The following ADGRL3 variants were observed in gnomAD, a reference collection of about 807,000 sequenced individuals.
ADGRL3 encodes the protein adhesion G protein-coupled receptor L3.
A neutral mutation model predicts 153.5 loss-of-function variants in ADGRL3; 62 were observed. The observed-to-expected ratio is 0.40, with a 90% CI of 0.33 to 0.50. The LOEUF is 0.50. Ranked by LOEUF, ADGRL3 falls within the 20% of genes least tolerant of loss-of-function variation. ADGRL3 has a pLI of 0.47. For missense variants in ADGRL3, 1,641 were observed against 1,859.4 expected (o/e 0.88, Z 2.16); for synonymous variants, 710 against 672.5 (o/e 1.06, Z -0.86).
At chr4:61,557,981 C>G (rs1468675932) in intron 4 of ADGRL3, among the ~76,000 whole-genome samples, 1 of 151,314 alleles carries the variant, frequency 6.6e-6, no homozygotes, top group Non-Finnish European at 1.5e-5. Context: ...TTACAGCAAC[C>G]TTGATATCGG....
chr4:61,560,564 G>A (rs935375435), intron 4 of ADGRL3, among the ~76,000 whole-genome samples: 6 of 152,054 alleles, frequency 3.9e-5, no homozygotes, highest in Non-Finnish European at 8.8e-5. Context: ...TGCCTTTGGA[G>A]GTCATTAAGT....
intron 9 of ADGRL3, among the ~76,000 whole-genome samples, chr4:61,872,408 C>CTTTTT (rs10715924): frequency 7.5e-6 from 1 of 133,096 alleles, no homozygotes. Context: ...TCCTTCTTTC[C>CTTTTT]TTTTTTTTTT....
At chr4:61,558,613 T>TATCA (rs991932841) in intron 4 of ADGRL3, among the ~76,000 whole-genome samples, 3 of 152,074 alleles carry the variant, frequency 2.0e-5, no homozygotes, top group East Asian at 1.9e-4. Context: ...TCCATCTATC[T>TATCA]ATCAATCAAT....
intron 17 of ADGRL3, among the ~76,000 whole-genome samples, chr4:61,972,912 C>A (rs185161395): frequency 6.6e-6 from 1 of 151,922 alleles, no homozygotes; most frequent in East Asian, 1.9e-4. Flanking sequence ...AAAACAGGTT[C>A]TTGATAATTA....
chr4:61,902,233 C>A (rs934932119), intron 11 of ADGRL3, among the ~76,000 whole-genome samples: 1 of 152,078 alleles, frequency 6.6e-6, no homozygotes, highest in Non-Finnish European at 1.5e-5. Context: ...AATGGTACCA[C>A]CGTGGAGTTA....
chr4:61,854,204 C>T (rs2098238746), intron 9 of ADGRL3, among the ~76,000 whole-genome samples: 2 of 152,134 alleles, frequency 1.3e-5, no homozygotes, highest in African/African-American at 4.8e-5. Flanking sequence ...CAATACTTTC[C>T]TCCCTCGCAG....
At chr4:61,869,728 C>T (rs1330814348) in intron 9 of ADGRL3, among the ~76,000 whole-genome samples, 2 of 151,230 alleles carry the variant, frequency 1.3e-5, no homozygotes, top group South Asian at 2.1e-4. Context: ...CACCTGAGGT[C>T]GGGAGTTCGA....
intron 6 of ADGRL3, among the ~76,000 whole-genome samples, chr4:61,722,406 C>T (rs1198811047): frequency 6.6e-6 from 1 of 152,052 alleles, no homozygotes; most frequent in African/African-American, 2.4e-5. Context: ...AAAAACAAAA[C>T]ACCAACAAAA....
chr4:61,313,531 C>A (rs1475995079), intron 1 of ADGRL3, among the ~76,000 whole-genome samples: 1 of 152,060 alleles, frequency 6.6e-6, no homozygotes, highest in African/African-American at 2.4e-5. Flanking sequence ...GACAGTAAGT[C>A]CTCACTTAAT....
intron 19 of ADGRL3, among the ~76,000 whole-genome samples, chr4:61,990,996 ATTT>A (rs2099101872): frequency 1.4e-5 from 2 of 145,306 alleles, no homozygotes; most frequent in African/African-American, 5.1e-5. Flanking sequence ...GTGTGTACGT[ATTT>A]ATGAATCAGT....
intron 2 of ADGRL3, among the ~76,000 whole-genome samples, chr4:61,393,644 A>T (rs1322726595): frequency 2.0e-5 from 3 of 152,064 alleles, no homozygotes; most frequent in Non-Finnish European, 2.9e-5. Flanking sequence ...AAAAGTTTCA[A>T]GCTTATATAC....
chr4:61,869,958 AAAAGAGAG>A (rs2098429628), intron 9 of ADGRL3, among the ~76,000 whole-genome samples: 2 of 111,768 alleles, frequency 1.8e-5, no homozygotes, highest in African/African-American at 6.8e-5. Flanking sequence ...AAAAAAAAAA[AAAAGAGAG>A]AGAGAGAGAA....
chr4:61,722,089 G>A (rs540180477), intron 6 of ADGRL3, among the ~76,000 whole-genome samples: 47 of 152,136 alleles, frequency 3.1e-4, no homozygotes, highest in African/African-American at 1.1e-3. Context: ...TCAGATATTA[G>A]CCCCAAATCA....
chr4:61,964,115 G>A (rs1280678636), intron 17 of ADGRL3, among the ~76,000 whole-genome samples: 1 of 152,092 alleles, frequency 6.6e-6, no homozygotes, highest in African/African-American at 2.4e-5. Flanking sequence ...AAATCAGGAG[G>A]CTTAGGTTTC....
chr4:61,495,622 G>A (rs2098306843), intron 2 of ADGRL3, among the ~76,000 whole-genome samples: 1 of 152,056 alleles, frequency 6.6e-6, no homozygotes, highest in Non-Finnish European at 1.5e-5. Flanking sequence ...TTCAGGATTT[G>A]GATTATGTTT....
chr4:61,727,906 C>G (rs564033721), intron 6 of ADGRL3, among the ~76,000 whole-genome samples: 2 of 152,156 alleles, frequency 1.3e-5, no homozygotes, highest in East Asian at 3.9e-4. Flanking sequence ...GTATTTAATT[C>G]AAGAGCTATT....
At chr4:61,539,909 G>T (rs2098680305) in intron 4 of ADGRL3, among the ~76,000 whole-genome samples, 2 of 152,050 alleles carry the variant, frequency 1.3e-5, no homozygotes, top group East Asian at 3.9e-4. Flanking sequence ...CTTCCCATGG[G>T]CTGTCTGACA....
intron 5 of ADGRL3, among the ~76,000 whole-genome samples, chr4:61,625,918 A>G (rs1219746586): frequency 6.6e-6 from 1 of 152,094 alleles, no homozygotes; most frequent in South Asian, 2.1e-4. Context: ...GCTCTATTTT[A>G]TGTATTTCTG....
chr4:61,752,517 T>G (rs2096769737), intron 8 of ADGRL3, among the ~76,000 whole-genome samples: 1 of 152,240 alleles, frequency 6.6e-6, no homozygotes, highest in Non-Finnish European at 1.5e-5. Flanking sequence ...TCCTCAGAGA[T>G]AAGAATGCTC....
Sources: gnomAD v4.1 joint callset for allele counts (sites outside exome capture counted in the v4.1 genomes callset) on GRCh38, gnomAD v4.1.1 for gene constraint, MANE v1.5 for transcripts, NCBI Gene and HGNC (gene_info 2026-07-23, HGNC 2026-07-21) for gene names.